UNC5C: variants seen among roughly 807,000 people sequenced by gnomAD.
UNC5C encodes netrin receptor UNC5C.
In UNC5C, 47 loss-of-function variants were observed where a neutral mutation model predicts 99.8. The observed-to-expected ratio is 0.47, with a 90% CI of 0.37 to 0.60. The LOEUF is 0.60. UNC5C is among the 20% of genes least tolerant of loss of function. The pLI is 0.00. For missense variants in UNC5C, 1,062 were observed against 1,165.9 expected (o/e 0.91, Z 1.30); for synonymous variants, 487 against 452.2 (o/e 1.08, Z -0.98).
intron 1 of UNC5C, among the ~76,000 whole-genome samples, chr4:95,431,817 G>A (rs1746644582): frequency 6.6e-6 from 1 of 151,984 alleles, no homozygotes; most frequent in Non-Finnish European, 1.5e-5. Context: ...TGAAACACAG[G>A]GGACTTAAGA....
At chr4:95,385,844 C>T (rs561757212) in intron 1 of UNC5C, among the ~76,000 whole-genome samples, 1 of 152,260 alleles carries the variant, frequency 6.6e-6, no homozygotes, top group African/African-American at 2.4e-5. Context: ...CAGAATTCTT[C>T]TCTTTGGTGA....
chr4:95,258,746 C>CTTTTTTTTTTTTTTTTTTTTTTTTTTTT (rs775570031), intron 4 of UNC5C, among the ~76,000 whole-genome samples: 8 of 76,054 alleles, frequency 1.1e-4, no homozygotes, highest in Non-Finnish European at 1.9e-4. Context: ...CCATCTTATT[C>CTTTTTTTTTTTTTTTTTTTTTTTTTTTT]TTTTTTTTTT....
intron 1 of UNC5C, among the ~76,000 whole-genome samples, chr4:95,370,891 C>T (rs1336938160): frequency 1.3e-5 from 2 of 152,046 alleles, no homozygotes; most frequent in African/African-American, 2.4e-5. Context: ...AGTGGTCATT[C>T]GTTTTTCTAA....
At chr4:95,367,169 C>T (rs1244858384) in intron 1 of UNC5C, among the ~76,000 whole-genome samples, 1 of 148,512 alleles carries the variant, frequency 6.7e-6, no homozygotes, top group Non-Finnish European at 1.5e-5. Context: ...GAATTTGAGT[C>T]TTCTTACTTC....
At chr4:95,212,705 A>C (rs1579235789) in intron 10 of UNC5C, among the ~76,000 whole-genome samples, 1 of 151,736 alleles carries the variant, frequency 6.6e-6, no homozygotes, top group Admixed American at 6.6e-5. Context: ...ACGCATCCAA[A>C]CTGGAATCTG....
chr4:95,381,913 G>A (rs1745081976), intron 1 of UNC5C, among the ~76,000 whole-genome samples: 1 of 152,140 alleles, frequency 6.6e-6, no homozygotes, highest in Non-Finnish European at 1.5e-5. Flanking sequence ...GTATAGGTGT[G>A]TGTATGGGGC....
intron 1 of UNC5C, among the ~76,000 whole-genome samples, chr4:95,423,450 G>A (rs1474153686): frequency 6.6e-6 from 1 of 152,154 alleles, no homozygotes; most frequent in Non-Finnish European, 1.5e-5. Flanking sequence ...GGAATTACGA[G>A]GTCATGGAAT....
rs139721151 is a variant in UNC5C, at chr4:95,211,711, G to A, written c.1733+4413C>T. Among the ~76,000 whole-genome samples the A allele has an allele frequency of 5.9e-5, 9 of 152,178 alleles. No homozygotes were observed. The South Asian group carries it at 1.0e-3, about 18-fold the overall frequency. On this transcript the variant is annotated intron_variant, in intron 10 of 15. Transcript: ENST00000453304. Reference sequence around the variant, plus strand: ...ACACCAACTATTTTATATTCTAACCGCTCGCCTACTTTATCTTATCTTTTA... The same window carrying A: ...ACACCAACTATTTTATATTCTAACCACTCGCCTACTTTATCTTATCTTTTA...
At chr4:95,480,928 A>T in intron 1 of UNC5C, among the ~76,000 whole-genome samples, 3 of 151,154 alleles carry the variant, frequency 2.0e-5, no homozygotes, top group African/African-American at 7.3e-5. Context: ...AACTGGAAGC[A>T]TTCCCTTTGA....
intron 3 of UNC5C, among the ~76,000 whole-genome samples, chr4:95,297,704 G>T (rs927136923): frequency 1.3e-5 from 2 of 152,170 alleles, no homozygotes; most frequent in African/African-American, 4.8e-5. Context: ...CCTTGATAAG[G>T]CTTAGCCCTT....
At chr4:95,175,176 A>G (rs1200366627) in intron 14 of UNC5C, among the ~76,000 whole-genome samples, 2 of 150,282 alleles carry the variant, frequency 1.3e-5, no homozygotes, top group South Asian at 4.2e-4. Context: ...CAGCACACTG[A>G]TGGGTCTTGA....
chr4:95,189,537 A>C (rs1457494730), intron 12 of UNC5C, among the ~76,000 whole-genome samples: 2 of 152,194 alleles, frequency 1.3e-5, no homozygotes, highest in East Asian at 3.9e-4. Context: ...AGAAACTACC[A>C]TCTGAGTGAA....
chr4:95,404,411 T>C (rs1745779709), intron 1 of UNC5C, among the ~76,000 whole-genome samples: 5 of 151,932 alleles, frequency 3.3e-5, no homozygotes, highest in African/African-American at 1.2e-4. Flanking sequence ...GTCAGGAAAA[T>C]CATATTCCAA....
intron 1 of UNC5C, among the ~76,000 whole-genome samples, chr4:95,370,211 CA>C (rs1257728014): frequency 1.3e-5 from 2 of 151,702 alleles, no homozygotes; most frequent in African/African-American, 4.8e-5. Context: ...TAATATATCT[CA>C]TTAATAATAT....
At chr4:95,416,113 G>A (rs1746157921) in intron 1 of UNC5C, among the ~76,000 whole-genome samples, 1 of 152,258 alleles carries the variant, frequency 6.6e-6, no homozygotes, top group Admixed American at 6.5e-5. Flanking sequence ...CAAATAGCTG[G>A]AGAATGGAAA....
At chr4:95,381,328 G>A (rs569121514) in intron 1 of UNC5C, among the ~76,000 whole-genome samples, 1 of 152,156 alleles carries the variant, frequency 6.6e-6, no homozygotes, top group Non-Finnish European at 1.5e-5. Flanking sequence ...ATGAATGTAC[G>A]GAATGGCCTG....
intron 4 of UNC5C, among the ~76,000 whole-genome samples, chr4:95,262,887 C>T (rs1740296992): frequency 6.6e-6 from 1 of 151,832 alleles, no homozygotes; most frequent in Admixed American, 6.6e-5. Flanking sequence ...TGATCTTGGC[C>T]CACCGCAACC....
At chr4:95,405,138 G>T (rs912250935) in intron 1 of UNC5C, among the ~76,000 whole-genome samples, 1 of 152,196 alleles carries the variant, frequency 6.6e-6, no homozygotes, top group Admixed American at 6.5e-5. Flanking sequence ...CTCTGCTCTT[G>T]CAAAAAGGCA....
At chr4:95,273,621 A>G (rs1740744540) in intron 4 of UNC5C, among the ~76,000 whole-genome samples, 1 of 152,342 alleles carries the variant, frequency 6.6e-6, no homozygotes, top group Non-Finnish European at 1.5e-5. Flanking sequence ...CCAGAAATGG[A>G]AGAAAACAAT....
Sources: allele counts gnomAD v4.1 joint callset (sites outside exome capture counted in the v4.1 genomes callset), GRCh38; gene constraint gnomAD v4.1.1; transcripts MANE v1.5; gene names NCBI Gene and HGNC (gene_info 2026-07-23, HGNC 2026-07-21).